TBC1D9: variants seen among roughly 807,000 people sequenced by gnomAD.
TBC1D9 encodes TBC1 domain family member 9A.
TBC1D9 carries 63 observed loss-of-function variants against 132.0 expected under a neutral mutation model. The ratio of observed to expected loss-of-function variants is 0.48; its 90% confidence interval spans 0.39 to 0.59. The LOEUF (loss-of-function observed/expected upper bound fraction) is 0.59. Ranked by LOEUF, TBC1D9 falls within the 20% of genes least tolerant of loss-of-function variation. TBC1D9 has a pLI of 0.00. For synonymous variants in TBC1D9, 610 were observed against 609.9 expected, an observed-to-expected ratio of 1.00 and a Z score of 0.00; for missense variants, 1,261 against 1,592.7, an observed-to-expected ratio of 0.79 and a Z score of 3.54.
chr4:140,683,569 TCAA>T (rs1029465833), intron 3 of TBC1D9, among the ~76,000 whole-genome samples: 3 of 152,196 alleles, frequency 2.0e-5, no homozygotes, highest in Non-Finnish European at 2.9e-5. Flanking sequence ...TATCAGATGT[TCAA>T]TATAAATTTA....
rs1348912985 is a variant in TBC1D9 at position 140,661,755 on chromosome 4, G to GT, written c.1803+137dup. 3.2e-5 allele frequency: 22 copies of GT among 691,868 alleles called. No homozygotes were observed. In the Middle Eastern group the frequency reaches 1.6e-3, roughly 50 times the overall value. 42.9% of individuals were successfully genotyped at this position (691,868 alleles called of 1,614,324 possible). Reference sequence around the variant, plus strand: ...TACAACAAAGAGTTAACAGTCCAGAGTGTCAACAGTGCCAAGGTTGAGAGG... The same window carrying GT: ...TACAACAAAGAGTTAACAGTCCAGAGTTGTCAACAGTGCCAAGGTTGAGAGG... On this transcript the variant is annotated intron_variant, in intron 10 of 20. Coordinates refer to ENST00000442267, the MANE Select transcript of TBC1D9 (RefSeq NM_015130.3).
chr4:140,643,549 A>G, intron 13 of TBC1D9: 1 of 878,412 alleles, frequency 1.1e-6, no homozygotes. Context: ...TCACAGTCTG[A>G]CATTTCTAGG....
intron 2 of TBC1D9, among the ~76,000 whole-genome samples, chr4:140,699,534 C>G (rs993759581): frequency 1.3e-5 from 2 of 152,170 alleles, no homozygotes; most frequent in East Asian, 3.9e-4. Context: ...ATCTACTGCC[C>G]CTGTCTAATC....
chr4:140,641,272 C>T (rs1467459897), intron 13 of TBC1D9, among the ~76,000 whole-genome samples: 1 of 152,086 alleles, frequency 6.6e-6, no homozygotes, highest in East Asian at 1.9e-4. Flanking sequence ...GTTGCTAGCA[C>T]GTTCTATCTT....
chr4:140,632,664 G>A (rs948697714), intron 16 of TBC1D9, among the ~76,000 whole-genome samples: 6 of 152,106 alleles, frequency 3.9e-5, no homozygotes, highest in Non-Finnish European at 7.3e-5. Flanking sequence ...GCTAAATATG[G>A]AGATAATAGT....
intron 1 of TBC1D9, among the ~76,000 whole-genome samples, chr4:140,719,375 G>T (rs1021503501): frequency 6.6e-6 from 1 of 152,124 alleles, no homozygotes; most frequent in African/African-American, 2.4e-5. Flanking sequence ...ATCTAACTAG[G>T]ATTTTTCTTT....
intron 9 of TBC1D9, among the ~76,000 whole-genome samples, chr4:140,665,923 A>C (rs994881368): frequency 6.6e-6 from 1 of 152,040 alleles, no homozygotes; most frequent in African/African-American, 2.4e-5. Flanking sequence ...GGCTCAAGTG[A>C]TCCTCCCTCC....
chr4:140,741,400 A>G (rs1738756249), intron 1 of TBC1D9, among the ~76,000 whole-genome samples: 1 of 152,152 alleles, frequency 6.6e-6, no homozygotes, highest in African/African-American at 2.4e-5. Flanking sequence ...TTAAGAATCT[A>G]GCACCTTTTA....
chr4:140,634,323 C>T lies in TBC1D9; in HGVS notation c.2506-135G>A, dbSNP rs987606514. ...CTGGGGCAGGGCTGTGGCCTCAGGGCCCCCTTGGTCTCTTAGTTCTACATA... is the reference window on the plus strand; with the variant it reads ...CTGGGGCAGGGCTGTGGCCTCAGGGTCCCCTTGGTCTCTTAGTTCTACATA... On this transcript the variant is annotated intron_variant, in intron 15 of 20. Coordinates refer to ENST00000442267, the MANE Select transcript of TBC1D9 (RefSeq NM_015130.3). 8.1e-6 allele frequency: 10 copies of T among 1,230,438 alleles called. No homozygotes were observed. In the African/African-American group the frequency reaches 1.4e-4, roughly 17 times the overall value. The allele number at this position is 1,230,438 out of a possible 1,614,324, so 76.2% of individuals were successfully genotyped here. A position where few individuals can be genotyped will look rare whatever the true frequency, so the allele number is the denominator to read the frequency against.
chr4:140,644,513 A>C, intron 13 of TBC1D9: 1 of 290,402 alleles, frequency 3.4e-6, no homozygotes, highest in Non-Finnish European at 6.7e-6. Flanking sequence ...GGGCTTTCGC[A>C]GCAGCATCCC....
At chr4:140,666,446 C>A (rs1037338122) in intron 9 of TBC1D9, among the ~76,000 whole-genome samples, 8 of 152,228 alleles carry the variant, frequency 5.3e-5, no homozygotes, top group African/African-American at 1.7e-4. Context: ...CGCCATTCTC[C>A]TGCCTCAGCC....
intron 16 of TBC1D9, among the ~76,000 whole-genome samples, chr4:140,629,040 A>G (rs184821411): frequency 8.5e-5 from 13 of 152,310 alleles, no homozygotes; most frequent in Admixed American, 7.8e-4. Context: ...ATTTGGAAAA[A>G]GAAGAAAAAT....
intron 1 of TBC1D9, among the ~76,000 whole-genome samples, chr4:140,709,244 TCTCTCACACACACACACA>T (rs1346149159): frequency 1.9e-5 from 2 of 107,260 alleles, no homozygotes; most frequent in African/African-American, 8.5e-5. Context: ...TCTCTCTCTC[TCTCTCACACACACACACA>T]CACACACACA....
intron 1 of TBC1D9, among the ~76,000 whole-genome samples, chr4:140,750,354 T>C (rs1738903603): frequency 6.6e-6 from 1 of 151,884 alleles, no homozygotes; most frequent in African/African-American, 2.4e-5. Context: ...AAATAAACTG[T>C]AAATATTAGC....
At chr4:140,705,403 T>G (rs953244145) in intron 1 of TBC1D9, among the ~76,000 whole-genome samples, 3 of 152,178 alleles carry the variant, frequency 2.0e-5, no homozygotes, top group African/African-American at 7.2e-5. Context: ...GAGAGTTCCT[T>G]GAGGGCAGGG....
chr4:140,643,219 C>A (rs1257066689), intron 13 of TBC1D9: 11 of 1,360,654 alleles, frequency 8.1e-6, no homozygotes, highest in Non-Finnish European at 9.2e-6. Flanking sequence ...CGCTCCGCAC[C>A]TCCCACCTTC....
At chr4:140,672,843 T>G (rs1333973088) in intron 6 of TBC1D9, among the ~76,000 whole-genome samples, 2 of 152,084 alleles carry the variant, frequency 1.3e-5, no homozygotes, top group Non-Finnish European at 2.9e-5. Context: ...GTGTTTAATA[T>G]GAAACACTGG....
At position 140,643,548 on chromosome 4, in the gene TBC1D9, G is replaced by A. The variant is rs567143779; in HGVS notation, c.2338-4120C>T. The A allele has an allele frequency of 6.0e-4, 528 of 877,950 alleles. 1 individual carries two copies. Among genetic ancestry groups the A allele is most frequent in the Admixed American group, 1.1e-3 (53 of 46,344 alleles). The allele number at this position is 877,950 out of a possible 1,614,324, so 54.4% of individuals were successfully genotyped here. On this transcript the variant is annotated intron_variant, in intron 13 of 20. Transcript: ENST00000442267. ...CTCCCCGGCGGGCACGTCACAGTCT[G>A]ACATTTCTAGGCTGGGCTGGGGCTC...
chr4:140,646,600 G>C (rs1014606622), intron 13 of TBC1D9, among the ~76,000 whole-genome samples: 2 of 152,140 alleles, frequency 1.3e-5, no homozygotes, highest in African/African-American at 4.8e-5. Flanking sequence ...CTAAGTTGGA[G>C]TTTACAGCAA....
Sources: gnomAD v4.1 joint callset for allele counts (sites outside exome capture counted in the v4.1 genomes callset) on GRCh38, gnomAD v4.1.1 for gene constraint, MANE v1.5 for transcripts, NCBI Gene and HGNC (gene_info 2026-07-23, HGNC 2026-07-21) for gene names.